Variants in MROH6 observed in about 807,000 individuals in gnomAD.
MROH6 encodes the protein maestro heat like repeat family member 6, also known as maestro heat-like repeat-containing protein family member 6.
A neutral mutation model predicts 67.7 loss-of-function variants in MROH6; 62 were observed. The observed-to-expected ratio is 0.92, with a 90% CI of 0.75 to 1.13. The LOEUF (loss-of-function observed/expected upper bound fraction) is 1.13. Ranked by LOEUF, MROH6 falls within the 50% of genes most tolerant of loss-of-function variation. MROH6 has a pLI of 0.00. For missense variants in MROH6, 1,175 were observed against 1,029.1 expected (o/e 1.14, Z -1.94); for synonymous variants, 566 against 470.8 (o/e 1.20, Z -2.62).
In MROH6 at chr8:143,570,385, T is replaced by TGGTGGGGACAGTGAGCA. The variant is rs1286018508; in HGVS notation, c.906-22_906-6dup. 18 of 1,608,606 alleles carry TGGTGGGGACAGTGAGCA rather than the reference T, an allele frequency of 1.1e-5. No individual in the cohort carries two copies. In the Admixed American group the frequency reaches 1.2e-4, roughly 10 times the overall value. On this transcript the variant is annotated splice_polypyrimidine_tract_variant and splice_region_variant and intron_variant, in intron 5 of 13. Transcript: ENST00000398882. ...TTCAAGGCCTCCACAGCACAGCTGG[T>TGGTGGGGACAGTGAGCA]GGTGGGGACAGTGAGCAGGTGGGCA...
intron 13 of MROH6, 42 bp downstream of exon 13, chr8:143,567,569 C>T: frequency 6.5e-7 from 1 of 1,532,516 alleles, no homozygotes; most frequent in East Asian, 2.5e-5. Context: ...TAGCACCAGC[C>T]ACGTCTCCAG....
chr8:143,570,219 G>C, intron 6 of MROH6, 24 bp downstream of exon 6: 1 of 1,215,402 alleles, frequency 8.2e-7, no homozygotes. Flanking sequence ...GTGACACCCT[G>C]GGGCCCCTCC....
At chr8:143,570,729 G>A (rs1823975634) in intron 4 of MROH6, 72 bp from the exon 5 acceptor site, 4 of 1,498,172 alleles carry the variant, frequency 2.7e-6, no homozygotes, top group African/African-American at 1.4e-5. Context: ...GGACAGGCGT[G>A]CTGTCAACAG....
chr8:143,569,412 C>T (rs1423394333), intron 9 of MROH6, 29 bp downstream of exon 9: 3 of 1,304,946 alleles, frequency 2.3e-6, no homozygotes, highest in South Asian at 1.8e-5. Flanking sequence ...GCGGCAGGGG[C>T]GGGACCCGGA....
chr8:143,569,442 T>A lies in MROH6; in HGVS notation c.1475A>T (p.Asp492Val). 1 of 1,443,248 alleles carries A rather than the reference T, an allele frequency of 6.9e-7. No homozygotes were observed. 89.4% of individuals were successfully genotyped at this position (1,443,248 alleles called of 1,614,324 possible). ...LGPRLPPLLDDTRDSIRASAV... is the reference protein window; with the variant it reads ...LGPRLPPLLDVTRDSIRASAV... ...CCCGGAGGCGGGGCGTTTGCTCACG[T>A]CGTCCAGTAGCGGAGGGAGGCGCGG... Residue 492 changes from aspartate (D) to valine (V), a missense_variant and splice_region_variant, in exon 9 of 14, where the codon GAC (aspartate) becomes GTC (valine). Coordinates refer to ENST00000398882, the MANE Select transcript of MROH6 (RefSeq NM_001100878.2).
rs1480193570 is a variant in MROH6 at position 143,570,237 on chromosome 8, C to CCTCA, written c.1043+2_1043+5dup. 2.5e-6 allele frequency: 4 copies of CCTCA among 1,577,740 alleles called. No individual in the cohort carries two copies. Among genetic ancestry groups the CCTCA allele is most frequent in the Admixed American group, 3.4e-5 (2 of 58,210 alleles). On this transcript the variant is annotated splice_donor_region_variant and intron_variant, in intron 6 of 13. Coordinates refer to ENST00000398882, the MANE Select transcript of MROH6 (RefSeq NM_001100878.2). ...ACACCCTGGGGCCCCTCCTCACCCT[C>CCTCA]CTCACCTGGCCAGCAGCAGGACGCC...
Position 143,572,410 on chromosome 8 carries a change from T to TC in MROH6, c.294+10dup. 1 of 1,548,170 alleles carries TC rather than the reference T, an allele frequency of 6.5e-7. No homozygotes were observed. Among genetic ancestry groups the TC allele is most frequent in the Non-Finnish European group, 8.7e-7 (1 of 1,149,444 alleles). On this transcript the variant is annotated intron_variant, in intron 1 of 13. Coordinates refer to ENST00000398882, the MANE Select transcript of MROH6 (RefSeq NM_001100878.2). ...GCCGGTTCGCACAACATCCCTTCCC[T>TC]CCCCCGTCACCTGGTGGGGCCCCTC...
chr8:143,567,587 T>A (rs1040020498), intron 13 of MROH6, 24 bp downstream of exon 13: 1 of 1,548,544 alleles, frequency 6.5e-7, no homozygotes, highest in African/African-American at 1.4e-5. Context: ...CAGGACACCA[T>A]CCCCTGGCAA....
Position 143,569,935 on chromosome 8 carries a change from C to T in MROH6, c.1158+16G>A, listed in dbSNP as rs1267762813. ...CCAGGGTCACCCTTCACCACCCATC[C>T]GGGAAGCAGGCTCACCCCTGTGAAG... On this transcript the variant is annotated intron_variant, in intron 7 of 13. Coordinates refer to ENST00000398882, the MANE Select transcript of MROH6 (RefSeq NM_001100878.2). The T allele has an allele frequency of 3.1e-6, 5 of 1,612,276 alleles. No individual in the cohort carries two copies. Among genetic ancestry groups the T allele is most frequent in the South Asian group, 1.1e-5 (1 of 91,068 alleles).
chr8:143,569,397 T>C (rs753807956), intron 9 of MROH6, 44 bp downstream of exon 9: 13 of 1,249,106 alleles, frequency 1.0e-5, no homozygotes, highest in Non-Finnish European at 1.3e-5. Flanking sequence ...GCGGGGGCGG[T>C]GACAGCGGCA....
Position 143,567,367 on chromosome 8 carries a change from G to A in MROH6, c.2032C>T (p.Pro678Ser). Residue 678 changes from proline to serine, a missense_variant, in exon 14 of 14, where the codon CCC (proline) becomes TCC (serine). Physicochemically the swap from Pro to Ser is moderately conservative, Grantham distance 74. Transcript: ENST00000398882. ...VAMLARARGC[P>S]RGPRLLRIAP... ...ATGCGGAGAAGGCGGGGCCCGCGGG[G>A]GCAGCCCCGGGCACGGGCCAGCATC... The A allele has an allele frequency of 8.2e-7, 1 of 1,225,594 alleles. No homozygotes were observed. The highest frequency in any genetic ancestry group is 1.6e-5 in the African/African-American group (1 of 63,586). 75.9% of individuals were successfully genotyped at this position (1,225,594 alleles called of 1,614,324 possible). A position where few individuals can be genotyped will look rare whatever the true frequency, so the allele number is the denominator to read the frequency against.
chr8:143,568,409 T>C (rs1004816361), intron 10 of MROH6, 143 bp downstream of exon 10: 21 of 1,423,850 alleles, frequency 1.5e-5, no homozygotes, highest in Middle Eastern at 4.6e-4. Flanking sequence ...GGAAGAGCAG[T>C]AGTAACCTGG....
intron 1 of MROH6, 42 bp from the exon 2 acceptor site, chr8:143,572,227 T>C (rs1255922410): frequency 1.2e-6 from 2 of 1,601,100 alleles, no homozygotes; most frequent in Non-Finnish European, 1.7e-6. Flanking sequence ...CCCAAACCTC[T>C]CCTAGCTCTC....
chr8:143,567,328 C>A lies in MROH6; in HGVS notation c.2071G>T (p.Ala691Ser). ...PRLLRIAPRP[A>S]RPPPVFADSP... ...TCGGCGAAGACTGGTGGGGGCCGGG[C>A]GGGGCGCGGGGCGATGCGGAGAAGG... Residue 691 changes from alanine to serine, a missense_variant, in exon 14 of 14, where the codon GCC (alanine) becomes TCC (serine). Coordinates refer to ENST00000398882, the MANE Select transcript of MROH6 (RefSeq NM_001100878.2). The A allele has an allele frequency of 3.3e-6, 4 of 1,217,910 alleles. No homozygotes were observed. Among genetic ancestry groups the A allele is most frequent in the Non-Finnish European group, 4.1e-6 (4 of 978,914 alleles). 75.4% of individuals were successfully genotyped at this position (1,217,910 alleles called of 1,614,324 possible). A position where few individuals can be genotyped will look rare whatever the true frequency, so the allele number is the denominator to read the frequency against.
At position 143,571,008 on chromosome 8, in the gene MROH6, G is replaced by A. The variant is rs1183011698; in HGVS notation, c.603-14C>T. ...TCGGCTGCTACCCTGAGGGTTTGGA[G>A]GGGGCTGGTGTGAGACAAGAGATGG... On this transcript the variant is annotated splice_polypyrimidine_tract_variant and intron_variant, in intron 3 of 13. Coordinates refer to ENST00000398882, the MANE Select transcript of MROH6 (RefSeq NM_001100878.2). 1.3e-6 allele frequency: 2 copies of A among 1,547,530 alleles called. No individual in the cohort carries two copies. The highest frequency in any genetic ancestry group is 1.2e-5 in the South Asian group (1 of 83,964).
chr8:143,571,074 G>A, intron 3 of MROH6, 80 bp from the exon 4 acceptor site: 1 of 1,191,262 alleles, frequency 8.4e-7, no homozygotes, highest in Middle Eastern at 2.8e-4. Flanking sequence ...AGCCAGGGTG[G>A]AGGCAGCCAG....
At chr8:143,570,439 G>A in intron 5 of MROH6, 34 bp downstream of exon 5, 1 of 1,598,426 alleles carries the variant, frequency 6.3e-7, no homozygotes, top group South Asian at 1.1e-5. Context: ...ACAGCATGCT[G>A]GCCCGCCCCA....
At chr8:143,567,508 C>T (rs924671678) in intron 13 of MROH6, 43 bp from the exon 14 acceptor site, 37 of 1,445,102 alleles carry the variant, frequency 2.6e-5, no homozygotes, top group African/African-American at 7.2e-5. Flanking sequence ...CCAGGAGGGC[C>T]GAGTGCCCGG....
intron 10 of MROH6, 82 bp from the exon 11 acceptor site, chr8:143,568,343 C>T (rs1409520572): frequency 1.3e-6 from 2 of 1,511,340 alleles, no homozygotes; most frequent in East Asian, 2.5e-5. Flanking sequence ...GGAGCAAGGG[C>T]ATCGGGTGAG....
Sources: allele counts gnomAD v4.1 joint callset, GRCh38; gene constraint gnomAD v4.1.1; transcripts MANE v1.5; gene names NCBI Gene and HGNC (gene_info 2026-07-23, HGNC 2026-07-21).